PSMA6: variants seen among roughly 807,000 people sequenced by gnomAD.
The protein encoded by PSMA6 is proteasome subunit alpha type-6.
For missense variants in PSMA6, 170 were observed against 294.8 expected (o/e 0.58, Z 3.10); for synonymous variants, 88 against 97.7 (o/e 0.90, Z 0.59).
upstream of PSMA6, among the ~76,000 whole-genome samples, chr14:35,289,626 C>G (rs1294766812): frequency 6.6e-6 from 1 of 152,022 alleles, no homozygotes; most frequent in Non-Finnish European, 1.5e-5. Flanking sequence ...AGGTGTTGCA[C>G]CACGCCCAGC....
At chr14:35,296,904 G>A (rs924764143) in intron 1 of PSMA6, among the ~76,000 whole-genome samples, 1 of 151,860 alleles carries the variant, frequency 6.6e-6, no homozygotes, top group Non-Finnish European at 1.5e-5. Context: ...AAAAAGTGAT[G>A]GGATCAAATA....
intron 2 of PSMA6, 186 bp from the exon 3 acceptor site, chr14:35,308,728 C>T (rs974212764): frequency 4.6e-5 from 23 of 497,508 alleles, no homozygotes; most frequent in Non-Finnish European, 7.1e-5. Context: ...AATAGAGCCC[C>T]TCGAAACTAA....
intron 1 of PSMA6, 96 bp from the exon 2 acceptor site, chr14:35,307,898 A>G: frequency 4.3e-6 from 5 of 1,158,856 alleles, no homozygotes; most frequent in Non-Finnish European, 6.2e-6. Context: ...TTCTGTGTTC[A>G]TGTAGCTCTT....
chr14:35,283,819 C>T (rs943457140), intron 1 of PSMA6, among the ~76,000 whole-genome samples: 2 of 152,082 alleles, frequency 1.3e-5, no homozygotes, highest in Non-Finnish European at 2.9e-5. Flanking sequence ...CCTCCCAACT[C>T]GGCCTCCCAA....
rs775340877 is a variant in PSMA6 at position 35,317,289 on chromosome 14, C to G, written c.724C>G (p.Leu242Val). The change falls in exon 7 of 7, where the codon CTA (leucine) becomes GTA (valine). Residue 242 changes from leucine (L) to valine (V), a missense_variant. By Grantham distance (32) the Leu-to-Val change is conservative. Transcript: ENST00000261479. ...EAEIDAHLVA[L>V]AERD ...AGAGATTGATGCTCACCTTGTTGCT[C>G]TAGCAGAGAGAGACTAAACATTGTC... is the stretch of plus-strand genomic sequence containing the variant. The G allele has an allele frequency of 1.9e-6, 3 of 1,610,780 alleles. No individual in the cohort carries two copies. The highest frequency in any genetic ancestry group is 1.1e-5 in the South Asian group (1 of 90,980).
At chr14:35,306,998 C>T (rs1054240842) in intron 1 of PSMA6, among the ~76,000 whole-genome samples, 2 of 151,772 alleles carry the variant, frequency 1.3e-5, no homozygotes, top group African/African-American at 4.8e-5. Context: ...AATACAAAAA[C>T]TTAGCTGGGC....
intron 1 of PSMA6, among the ~76,000 whole-genome samples, chr14:35,306,948 A>T (rs893564520): frequency 6.6e-6 from 1 of 152,114 alleles, no homozygotes; most frequent in Non-Finnish European, 1.5e-5. Flanking sequence ...GGAGTTCGGC[A>T]CCAGCCTGGC....
At chr14:35,293,641 T>C (rs922534281) in intron 1 of PSMA6, among the ~76,000 whole-genome samples, 6 of 152,246 alleles carry the variant, frequency 3.9e-5, no homozygotes, top group African/African-American at 1.4e-4. Context: ...ATAGTGTATA[T>C]AATGTAGCAA....
At position 35,310,979 on chromosome 14, in the gene PSMA6, T is replaced by G. The variant is rs1478435383; in HGVS notation, c.409+84T>G. The stretch of plus-strand genomic sequence containing the variant: ...GTATACAGAATTATTTAAATAACAC[T>G]TGAGTTCTGAACATGTGGTTTGGAA... On this transcript the variant is annotated intron_variant, in intron 4 of 6. Coordinates refer to ENST00000261479, the MANE Select transcript of PSMA6 (RefSeq NM_002791.3). 5.9e-6 allele frequency: 8 copies of G among 1,362,502 alleles called. No individual in the cohort carries two copies. The East Asian group carries it at 1.4e-4, about 24-fold the overall frequency. The allele number at this position is 1,362,502 out of a possible 1,614,324, so 84.4% of individuals were successfully genotyped here. A position where few individuals can be genotyped will look rare whatever the true frequency, so the allele number is the denominator to read the frequency against.
At chr14:35,307,291 A>G (rs2138743652) in intron 1 of PSMA6, among the ~76,000 whole-genome samples, 1 of 152,370 alleles carries the variant, frequency 6.6e-6, no homozygotes, top group East Asian at 1.9e-4. Context: ...GTTACTGACC[A>G]AAAGTTAACA....
upstream of PSMA6, among the ~76,000 whole-genome samples, chr14:35,291,163 A>G (rs146022408): frequency 5.0e-4 from 69 of 136,988 alleles, no homozygotes; most frequent in East Asian, 0.015. Context: ...AGCTAATTTT[A>G]TTTTTTGTAG....
chr14:35,300,811 C>T (rs1021081648), intron 1 of PSMA6, among the ~76,000 whole-genome samples: 1 of 152,016 alleles, frequency 6.6e-6, no homozygotes, highest in African/African-American at 2.4e-5. Context: ...TGGGAAAGGG[C>T]AGGAGGTTAG....
intron 1 of PSMA6, among the ~76,000 whole-genome samples, chr14:35,306,568 G>A (rs2138742023): frequency 6.6e-6 from 1 of 152,090 alleles, no homozygotes; most frequent in African/African-American, 2.4e-5. Flanking sequence ...GCTGGGTGTT[G>A]TGGCGGGCAG....
upstream of PSMA6, among the ~76,000 whole-genome samples, chr14:35,288,833 C>G (rs1331121836): frequency 6.6e-6 from 1 of 152,240 alleles, no homozygotes; most frequent in Non-Finnish European, 1.5e-5. Context: ...TTTGGGAGGG[C>G]AAGGCAGGAG....
chr14:35,287,494 C>T (rs1594374113), upstream of PSMA6, among the ~76,000 whole-genome samples: 1 of 152,120 alleles, frequency 6.6e-6, no homozygotes, highest in Non-Finnish European at 1.5e-5. Context: ...TCTTATCTTG[C>T]CTTTAAACAC....
intron 1 of PSMA6, among the ~76,000 whole-genome samples, chr14:35,294,994 T>C (rs2051555611): frequency 6.6e-6 from 1 of 152,174 alleles, no homozygotes; most frequent in African/African-American, 2.4e-5. Context: ...ACTCAAAAGA[T>C]AAATGTCGTC....
At position 35,308,987 on chromosome 14, in the gene PSMA6, G is replaced by T; in HGVS notation, c.245G>T (p.Gly82Val). The change falls in exon 3 of 7, where the codon GGA (glycine) becomes GTA (valine). Residue 82 changes from glycine (G) to valine (V), a missense_variant. Gly to Val is a moderately radical substitution (Grantham distance 109, BLOSUM62 -3). Coordinates refer to ENST00000261479, the MANE Select transcript of PSMA6 (RefSeq NM_002791.3). ...GAAAACATTGGTTGTGTGATGACCG[G>T]AATGACAGGTAATTAATCTGTAGAT... ...ITENIGCVMT[G>V]MTADSRSQVQ... 1 of 1,599,908 alleles carries T rather than the reference G, an allele frequency of 6.3e-7. No individual in the cohort carries two copies. The highest frequency in any genetic ancestry group is 8.6e-7 in the Non-Finnish European group (1 of 1,168,340).
chr14:35,282,684 A>T (rs993790672), intron 1 of PSMA6, among the ~76,000 whole-genome samples: 2 of 151,938 alleles, frequency 1.3e-5, no homozygotes, highest in South Asian at 4.2e-4. Flanking sequence ...GATTCCCCCC[A>T]TCTCTACAAA....
chr14:35,292,703 G>T, intron 1 of PSMA6, 151 bp downstream of exon 1: 1 of 1,380,178 alleles, frequency 7.2e-7, no homozygotes. Context: ...GAGCTCTGTG[G>T]TGTTTGCACC....
Sources: gnomAD v4.1 joint callset for allele counts (sites outside exome capture counted in the v4.1 genomes callset) on GRCh38, gnomAD v4.1.1 for gene constraint, MANE v1.5 for transcripts, NCBI Gene and HGNC (gene_info 2026-07-23, HGNC 2026-07-21) for gene names.